The following HEATR6 variants were observed in gnomAD, a reference collection of about 807,000 sequenced individuals.
HEATR6 encodes HEAT repeat-containing protein 6.
Under a neutral mutation model 132.8 loss-of-function variants are expected in HEATR6, and 106 were observed. The ratio of observed to expected loss-of-function variants is 0.80; its 90% CI spans 0.68 to 0.94. The LOEUF is 0.94. Ranked by LOEUF, HEATR6 falls within the 40% of genes least tolerant of loss-of-function variation. The probability of loss-of-function intolerance (pLI) is 0.00; values close to 1 mark genes in which losing one functional copy is unlikely to be tolerated. For missense variants in HEATR6, 1,339 were observed against 1,425.1 expected (o/e 0.94, Z 0.97); for synonymous variants, 529 against 537.8 (o/e 0.98, Z 0.23).
rs1906740866 is a variant in HEATR6 at position 60,056,252 on chromosome 17, T to C, written c.2080-15A>G. 1.2e-6 allele frequency: 2 copies of C among 1,611,786 alleles called. No homozygotes were observed. The highest frequency in any genetic ancestry group is 1.7e-6 in the Non-Finnish European group (2 of 1,179,044). ...AGAGTCAATACCTGCAAAGAGAGCA[T>C]GGAATTAACCCTCTAAGACCTGAGT... On this transcript the variant is annotated splice_polypyrimidine_tract_variant and intron_variant, in intron 12 of 19. Transcript: ENST00000184956.
At chr17:60,060,511 A>G (rs2083204871) in intron 9 of HEATR6, among the ~76,000 whole-genome samples, 1 of 152,210 alleles carries the variant, frequency 6.6e-6, no homozygotes, top group African/African-American at 2.4e-5. Context: ...GCTACACCAT[A>G]GCACAAAAAT....
At chr17:60,045,311 T>C (rs1366368588) in intron 19 of HEATR6, among the ~76,000 whole-genome samples, 1 of 152,204 alleles carries the variant, frequency 6.6e-6, no homozygotes, top group Admixed American at 6.5e-5. Context: ...CCTCACTTGA[T>C]GTGTGCTCTC....
chr17:60,049,756 A>G, intron 15 of HEATR6, 54 bp from the exon 16 acceptor site: 1 of 1,583,262 alleles, frequency 6.3e-7, no homozygotes, highest in Non-Finnish European at 8.6e-7. Flanking sequence ...CTACAAGCCA[A>G]AGGCTTCCAT....
chr17:60,056,329 A>G, intron 12 of HEATR6, 92 bp from the exon 13 acceptor site: 1 of 1,235,054 alleles, frequency 8.1e-7, no homozygotes. Context: ...AATCGCTTAC[A>G]TTTAACAGGG....
intron 17 of HEATR6, 141 bp downstream of exon 17, chr17:60,048,123 A>C (rs1906434644): frequency 2.9e-6 from 2 of 683,580 alleles, no homozygotes; most frequent in Non-Finnish European, 4.6e-6. Context: ...TTTCTGAAGG[A>C]ATATCAAACA....
At chr17:60,078,323 TTCCCACGTGG>T (rs2083306631) in intron 1 of HEATR6, among the ~76,000 whole-genome samples, 1 of 152,232 alleles carries the variant, frequency 6.6e-6, no homozygotes, top group African/African-American at 2.4e-5. Flanking sequence ...AGTTCTAAGA[TTCCCACGTGG>T]TCCGTGTACC....
chr17:60,074,889 T>C (rs1029122815), intron 2 of HEATR6, among the ~76,000 whole-genome samples: 4 of 152,106 alleles, frequency 2.6e-5, no homozygotes, highest in Non-Finnish European at 5.9e-5. Flanking sequence ...AGTGCTGAGG[T>C]TGAGAAACCC....
chr17:60,072,565 T>C (rs193021023), intron 4 of HEATR6, among the ~76,000 whole-genome samples: 295 of 152,288 alleles, frequency 1.9e-3, no homozygotes, highest in African/African-American at 6.8e-3. Flanking sequence ...CAGAAGTTTG[T>C]GGTAGAAGAA....
At chr17:60,067,393 C>T in intron 8 of HEATR6, 41 bp downstream of exon 8, 1 of 1,405,466 alleles carries the variant, frequency 7.1e-7, no homozygotes, top group Non-Finnish European at 9.5e-7. Context: ...TTACATGCAA[C>T]TTAGAATACA....
intron 9 of HEATR6, chr17:60,063,289 T>A (rs1326258225): frequency 6.6e-6 from 1 of 152,248 alleles, no homozygotes; most frequent in African/African-American, 2.4e-5. Flanking sequence ...TCATGAAATT[T>A]GTAAATCAGG....
intron 9 of HEATR6, among the ~76,000 whole-genome samples, chr17:60,061,415 C>T (rs919835739): frequency 2.0e-5 from 3 of 152,122 alleles, no homozygotes; most frequent in Admixed American, 6.6e-5. Flanking sequence ...ATTAGGAAAC[C>T]GTGTGTATAT....
intron 1 of HEATR6, among the ~76,000 whole-genome samples, chr17:60,078,385 T>A (rs1045727106): frequency 6.6e-6 from 1 of 152,158 alleles, no homozygotes; most frequent in Non-Finnish European, 1.5e-5. Context: ...GTCAACCAAG[T>A]GTTCTGGGTG....
intron 16 of HEATR6, among the ~76,000 whole-genome samples, chr17:60,048,983 A>ATATATATAT (rs1491095262): frequency 4.3e-5 from 3 of 69,580 alleles, no homozygotes; most frequent in African/African-American, 1.8e-4. Context: ...ATATATATAT[A>ATATATATAT]ATATATATAT....
At chr17:60,069,883 C>T (rs367636181) in intron 6 of HEATR6, 35 bp from the exon 7 acceptor site, 23 of 1,597,438 alleles carry the variant, frequency 1.4e-5, no homozygotes, top group Middle Eastern at 1.7e-4. Context: ...CACACACACA[C>T]GAAACCAAAA....
Position 60,056,019 on chromosome 17 carries a change from A to AATATAAAGTGAAGAAAAGGAAGG in HEATR6, c.2202+73_2202+95dup, listed in dbSNP as rs1326882855. 4 of 1,344,252 alleles carry AATATAAAGTGAAGAAAAGGAAGG rather than the reference A, an allele frequency of 3.0e-6. 1 individual carries two copies. Among genetic ancestry groups the AATATAAAGTGAAGAAAAGGAAGG allele is most frequent in the East Asian group, 4.7e-5 (2 of 42,454 alleles). 83.3% of individuals were successfully genotyped at this position (1,344,252 alleles called of 1,614,324 possible). A position where few individuals can be genotyped will look rare whatever the true frequency, so the allele number is the denominator to read the frequency against. The stretch of plus-strand genomic sequence containing the variant: ...AGAATTGAAGGACATGTGGCAGAAG[A>AATATAAAGTGAAGAAAAGGAAGG]ATATAAAGTGAAGAAAAGGAAGGAT... On this transcript the variant is annotated intron_variant, in intron 13 of 19. Transcript: ENST00000184956.
At chr17:60,071,411 C>T (rs2083269436) in intron 5 of HEATR6, among the ~76,000 whole-genome samples, 1 of 152,184 alleles carries the variant, frequency 6.6e-6, no homozygotes, top group Admixed American at 6.5e-5. Flanking sequence ...ATAAAAGAAG[C>T]TAACCCTCTG....
intron 12 of HEATR6, 135 bp downstream of exon 12, chr17:60,056,913 A>G (rs1906760731): frequency 9.7e-6 from 6 of 619,768 alleles, no homozygotes; most frequent in Non-Finnish European, 1.4e-5. Context: ...AAAACAATAC[A>G]CCACCCATAC....
intron 19 of HEATR6, 70 bp from the exon 20 acceptor site, chr17:60,044,204 G>A (rs541771029): frequency 2.0e-5 from 24 of 1,177,724 alleles, no homozygotes; most frequent in African/African-American, 1.8e-4. Context: ...GGAGAGGGGT[G>A]GAAGGAAGCT....
Position 60,046,076 on chromosome 17 carries a change from T to A in HEATR6, c.2923A>T (p.Asn975Tyr), listed in dbSNP as rs1268655028. The A allele has an allele frequency of 6.2e-7, 1 of 1,613,998 alleles. No homozygotes were observed. The highest frequency in any genetic ancestry group is 2.2e-5 in the East Asian group (1 of 44,894). ...LTEAAMKVRW[N>Y]ACYAMGNVFK... is the part of the protein sequence containing the mutation. ...ACATTTCCCATTGCATAACAAGCAT[T>A]CCATCGGACTTTCATGGCAGCTTCT... Residue 975 changes from asparagine to tyrosine, a missense_variant, in exon 19 of 20, where the codon AAT becomes TAT. Coordinates refer to ENST00000184956, the MANE Select transcript of HEATR6 (RefSeq NM_022070.5).
Sources: gnomAD v4.1 joint callset for allele counts (sites outside exome capture counted in the v4.1 genomes callset) on GRCh38, gnomAD v4.1.1 for gene constraint, MANE v1.5 for transcripts, NCBI Gene and HGNC (gene_info 2026-07-23, HGNC 2026-07-21) for gene names.